Variants in AJUBA observed in about 807,000 individuals in gnomAD.
The protein encoded by AJUBA is ajuba LIM protein.
Under a neutral mutation model 53.3 loss-of-function variants are expected in AJUBA, and 20 were observed. The ratio of observed to expected loss-of-function variants is 0.38; its 90% CI spans 0.26 to 0.55. The LOEUF (loss-of-function observed/expected upper bound fraction) is 0.55, where lower values mean the gene tolerates loss of function less well. Among genes scored for constraint, AJUBA ranks in the 20% least tolerant of loss-of-function variants. The probability of loss-of-function intolerance (pLI) is 0.80; values close to 1 mark genes in which losing one functional copy is unlikely to be tolerated. For missense variants in AJUBA, 580 were observed against 730.5 expected (o/e 0.79, Z 2.38); for synonymous variants, 296 against 306.2 (o/e 0.97, Z 0.35).
intron 2 of AJUBA, chr14:22,977,162 C>A: frequency 1.0e-6 from 1 of 996,826 alleles, no homozygotes; most frequent in Non-Finnish European, 1.2e-6. Context: ...GCATATCTAT[C>A]CTGCTCTCAA....
At chr14:22,974,779 T>C (rs892459974) in intron 6 of AJUBA, 60 bp downstream of exon 6, 16 of 1,558,306 alleles carry the variant, frequency 1.0e-5, no homozygotes, top group Admixed American at 7.0e-5. Context: ...AGCATGTCCC[T>C]ATCCCCTCCC....
intron 2 of AJUBA, 83 bp from the exon 3 acceptor site, chr14:22,976,795 T>C: frequency 1.3e-6 from 2 of 1,555,280 alleles, no homozygotes; most frequent in Non-Finnish European, 1.7e-6. Flanking sequence ...CGCTGCTGCA[T>C]AATATATTTA....
chr14:22,977,923 C>G (rs2045052346), intron 2 of AJUBA, among the ~76,000 whole-genome samples: 1 of 151,776 alleles, frequency 6.6e-6, no homozygotes, highest in African/African-American at 2.4e-5. Flanking sequence ...AGAGAAAACC[C>G]CCCTCTCCGC....
chr14:22,980,732 C>T (rs988180776), intron 1 of AJUBA: 410 of 970,838 alleles, frequency 4.2e-4, no homozygotes, highest in Non-Finnish European at 4.8e-4. Flanking sequence ...TCCCCGAACC[C>T]CACCCCTCCG....
rs565170397 is a variant in AJUBA, at chr14:22,982,513, T to A, written c.-247A>T. 1,821 of 1,383,420 alleles carry A rather than the reference T, an allele frequency of 1.3e-3. 6 individuals are homozygous for A. The highest frequency in any genetic ancestry group is 0.012 in the African/African-American group (812 of 65,866). The allele number at this position is 1,383,420 out of a possible 1,614,324, so 85.7% of individuals were successfully genotyped here. A position where few individuals can be genotyped will look rare whatever the true frequency, so the allele number is the denominator to read the frequency against. On this transcript the variant is annotated 5_prime_UTR_variant, in exon 1 of 8. Coordinates refer to ENST00000262713, the MANE Select transcript of AJUBA (RefSeq NM_032876.6). ...AGGGTCTCTGGCCGCGGCTGTCCAG[T>A]CCGCAGGTCTATCTGTTCACGCGTC...
intron 1 of AJUBA, 42 bp downstream of exon 1, chr14:22,981,219 G>C (rs777841710): frequency 6.5e-7 from 1 of 1,542,776 alleles, no homozygotes; most frequent in East Asian, 2.3e-5. Flanking sequence ...ACCGAATACC[G>C]TGACGGGTCC....
chr14:22,973,346 G>A lies in AJUBA; in HGVS notation c.*97C>T, dbSNP rs1023960386. 1.2e-5 allele frequency: 18 copies of A among 1,514,410 alleles called. No individual in the cohort carries two copies. In the African/African-American group the frequency reaches 2.2e-4, roughly 19 times the overall value. 93.8% of individuals were successfully genotyped at this position (1,514,410 alleles called of 1,614,324 possible). On this transcript the variant is annotated 3_prime_UTR_variant, in exon 8 of 8. Transcript: ENST00000262713. The stretch of plus-strand genomic sequence containing the variant: ...CCTCCCCAGAGGACTCTTCTGCCAG[G>A]CCTGCAGAGTGCATTCTTTGCCTTG...
chr14:22,973,186 A>G lies in AJUBA; in HGVS notation c.*257T>C. On this transcript the variant is annotated 3_prime_UTR_variant, in exon 8 of 8. Transcript: ENST00000262713. Reference sequence around the variant, plus strand: ...AATCAGATGTTCAGAAAGTCCTGGAACCCTCCTGTGTGTGCCTAAGCTCAG... The same window carrying G: ...AATCAGATGTTCAGAAAGTCCTGGAGCCCTCCTGTGTGTGCCTAAGCTCAG... The G allele has an allele frequency of 3.9e-6, 2 of 507,946 alleles. No homozygotes were observed. Among genetic ancestry groups the G allele is most frequent in the South Asian group, 2.3e-5 (1 of 43,836 alleles). The allele number at this position is 507,946 out of a possible 1,614,324, so 31.5% of individuals were successfully genotyped here. A position where few individuals can be genotyped will look rare whatever the true frequency, so the allele number is the denominator to read the frequency against.
rs1486126804 is a variant in AJUBA at position 22,976,651 on chromosome 14, A to G, written c.1170T>C (p.Asp390=). The G allele has an allele frequency of 6.2e-7, 1 of 1,613,992 alleles. No homozygotes were observed. The highest frequency in any genetic ancestry group is 8.5e-7 in the Non-Finnish European group (1 of 1,179,972). ...CCAGGTGACCCTTACTCACCAGATA[A>G]TCTTCCTCACAGTACACAGAGCCAT... ...SVNGSVYCEE[D]YLFSGFQEAA... Residue 390 remains aspartate, a synonymous_variant, in exon 3 of 8, where the codon GAT becomes GAC. Coordinates refer to ENST00000262713, the MANE Select transcript of AJUBA (RefSeq NM_032876.6).
chr14:22,974,179 A>G (rs1019434573), intron 6 of AJUBA, 64 bp from the exon 7 acceptor site: 7 of 1,547,252 alleles, frequency 4.5e-6, no homozygotes, highest in Admixed American at 1.7e-5. Flanking sequence ...CCTTTCCCTC[A>G]TATACAACCC....
At chr14:22,976,900 C>T in intron 2 of AJUBA, 188 bp from the exon 3 acceptor site, 1 of 1,412,814 alleles carries the variant, frequency 7.1e-7, no homozygotes, top group Non-Finnish European at 9.2e-7. Context: ...TGGCTTCATT[C>T]CAGCCAACTT....
In AJUBA at chr14:22,974,057, T is replaced by C; in HGVS notation, c.1481A>G (p.Tyr494Cys). The change falls in exon 7 of 8, where the codon TAC (tyrosine) becomes TGC (cysteine). Residue 494 changes from tyrosine to cysteine, a missense_variant. Coordinates refer to ENST00000262713, the MANE Select transcript of AJUBA (RefSeq NM_032876.6). ...AACCCCAACACTCACCTCACAGTGGTAGCACTCAAAGTGATAATCCCGGTC... is the reference window on the plus strand; with the variant it reads ...AACCCCAACACTCACCTCACAGTGGCAGCACTCAAAGTGATAATCCCGGTC... Reference protein sequence around the residue: ...SMDRDYHFECYHCEDCRMQLS... With the variant: ...SMDRDYHFECCHCEDCRMQLS... The C allele has an allele frequency of 2.5e-6, 4 of 1,614,136 alleles. No individual in the cohort carries two copies. The highest frequency in any genetic ancestry group is 3.4e-6 in the Non-Finnish European group (4 of 1,180,000).
intron 2 of AJUBA, chr14:22,977,208 G>A (rs777037457): frequency 5.1e-6 from 5 of 988,996 alleles, no homozygotes; most frequent in Non-Finnish European, 6.0e-6. Context: ...CTCCATGGAG[G>A]TCAGGACTGG....
chr14:22,980,644 G>A (rs2045077962), intron 1 of AJUBA: 2 of 985,186 alleles, frequency 2.0e-6, no homozygotes, highest in Non-Finnish European at 2.4e-6. Flanking sequence ...TGGGTCCCAG[G>A]GCGCTCCATC....
chr14:22,976,407 G>T, intron 4 of AJUBA, 49 bp downstream of exon 4: 7 of 1,573,956 alleles, frequency 4.4e-6, no homozygotes, highest in Non-Finnish European at 6.1e-6. Flanking sequence ...CCCTGATCCC[G>T]CTCCTCAGCC....
Position 22,975,250 on chromosome 14 carries a change from G to A in AJUBA, c.1240-146C>T, listed in dbSNP as rs1436358269. On this transcript the variant is annotated intron_variant, in intron 4 of 7. Coordinates refer to ENST00000262713, the MANE Select transcript of AJUBA (RefSeq NM_032876.6). The stretch of plus-strand genomic sequence containing the variant: ...GCTATGTAATGTCGGTGAAGAAGTC[G>A]TAAAATGGAGGCGGAGACCCTGAAA... 11 of 1,153,840 alleles carry A rather than the reference G, an allele frequency of 9.5e-6. No individual in the cohort carries two copies. In the Admixed American group the frequency reaches 1.1e-4, roughly 11 times the overall value. 71.5% of individuals were successfully genotyped at this position (1,153,840 alleles called of 1,614,324 possible). A position where few individuals can be genotyped will look rare whatever the true frequency, so the allele number is the denominator to read the frequency against.
chr14:22,973,347 C>A lies in AJUBA; in HGVS notation c.*96G>T, dbSNP rs2045002246. On this transcript the variant is annotated 3_prime_UTR_variant, in exon 8 of 8. Coordinates refer to ENST00000262713, the MANE Select transcript of AJUBA (RefSeq NM_032876.6). The stretch of plus-strand genomic sequence containing the variant: ...CTCCCCAGAGGACTCTTCTGCCAGG[C>A]CTGCAGAGTGCATTCTTTGCCTTGG... 7 of 1,517,598 alleles carry A rather than the reference C, an allele frequency of 4.6e-6. No individual in the cohort carries two copies. The South Asian group carries it at 8.7e-5, about 19-fold the overall frequency. 94.0% of individuals were successfully genotyped at this position (1,517,598 alleles called of 1,614,324 possible). A position where few individuals can be genotyped will look rare whatever the true frequency, so the allele number is the denominator to read the frequency against.
chr14:22,981,127 T>A, intron 1 of AJUBA, 134 bp downstream of exon 1: 2 of 1,118,344 alleles, frequency 1.8e-6, no homozygotes, highest in Non-Finnish European at 2.5e-6. Context: ...CCCCCATCCA[T>A]CCCTCTTGCT....
chr14:22,974,656 C>T (rs571190187), intron 6 of AJUBA, 183 bp downstream of exon 6: 39 of 640,494 alleles, frequency 6.1e-5, no homozygotes, highest in African/African-American at 4.6e-4. Context: ...GGCTTTCAGA[C>T]ATGTCCAGGC....
Sources: gnomAD v4.1 joint callset for allele counts (sites outside exome capture counted in the v4.1 genomes callset) on GRCh38, gnomAD v4.1.1 for gene constraint, MANE v1.5 for transcripts, NCBI Gene and HGNC (gene_info 2026-07-23, HGNC 2026-07-21) for gene names.